FAM184B: variants seen among roughly 807,000 people sequenced by gnomAD.
FAM184B encodes the protein protein FAM184B.
FAM184B carries 111 observed loss-of-function variants against 135.9 expected under a neutral mutation model. The ratio of observed to expected loss-of-function variants is 0.82; its 90% CI spans 0.70 to 0.96. The LOEUF is 0.96. Among genes scored for constraint, FAM184B ranks in the 40% least tolerant of loss-of-function variants. The pLI is 0.00. For synonymous variants in FAM184B, 552 were observed against 524.8 expected (o/e 1.05, Z -0.71); for missense variants, 1,375 against 1,323.9 (o/e 1.04, Z -0.60).
At chr4:17,734,149 T>A (rs1176698012) in intron 1 of FAM184B, among the ~76,000 whole-genome samples, 1 of 152,172 alleles carries the variant, frequency 6.6e-6, no homozygotes, top group African/African-American at 2.4e-5. Context: ...TGAAACTGGA[T>A]CCCTTCCTTA....
At chr4:17,634,518 T>G (rs1347378543) in intron 16 of FAM184B, among the ~76,000 whole-genome samples, 3 of 152,076 alleles carry the variant, frequency 2.0e-5, no homozygotes, top group Admixed American at 2.0e-4. Flanking sequence ...GAGTTGGAGT[T>G]TCACCACGTT....
At chr4:17,637,288 A>G (rs1163476096) in intron 14 of FAM184B, among the ~76,000 whole-genome samples, 1 of 152,180 alleles carries the variant, frequency 6.6e-6, no homozygotes, top group Non-Finnish European at 1.5e-5. Flanking sequence ...GGGCCTCCCA[A>G]AGTGCTGGGA....
At chr4:17,633,629 C>T in intron 17 of FAM184B, 60 bp downstream of exon 17, 2 of 1,353,516 alleles carry the variant, frequency 1.5e-6, no homozygotes, top group East Asian at 2.8e-5. Context: ...AAGAATCCTA[C>T]TTCCCCTCTT....
At chr4:17,647,542 C>G in intron 12 of FAM184B, 95 bp downstream of exon 12, 1 of 1,419,776 alleles carries the variant, frequency 7.0e-7, no homozygotes, top group East Asian at 2.5e-5. Context: ...AGCCACTGCA[C>G]TCAGCCTCAG....
intron 1 of FAM184B, among the ~76,000 whole-genome samples, chr4:17,761,112 C>T (rs946964851): frequency 2.6e-5 from 4 of 152,178 alleles, no homozygotes; most frequent in Non-Finnish European, 5.9e-5. Flanking sequence ...CCCAAAACGT[C>T]AGTAGTGTCC....
At chr4:17,690,956 G>T (rs1440407930) in intron 6 of FAM184B, among the ~76,000 whole-genome samples, 2 of 152,174 alleles carry the variant, frequency 1.3e-5, no homozygotes, top group Admixed American at 1.3e-4. Context: ...GCTTTGGTAA[G>T]GTGGGGACAG....
At chr4:17,750,769 C>G (rs939253998) in intron 1 of FAM184B, among the ~76,000 whole-genome samples, 1 of 152,170 alleles carries the variant, frequency 6.6e-6, no homozygotes, top group Non-Finnish European at 1.5e-5. Context: ...CCTGATAGAG[C>G]CTACCAAGCA....
In FAM184B at chr4:17,642,116, C is replaced by T. The variant is rs1182744727; in HGVS notation, c.2459G>A (p.Arg820Gln). 5 of 1,532,816 alleles carry T rather than the reference C, an allele frequency of 3.3e-6. No individual in the cohort carries two copies. Among genetic ancestry groups the T allele is most frequent in the African/African-American group, 1.4e-5 (1 of 72,274 alleles). The allele number at this position is 1,532,816 out of a possible 1,614,324, so 95.0% of individuals were successfully genotyped here. A position where few individuals can be genotyped will look rare whatever the true frequency, so the allele number is the denominator to read the frequency against. Residue 820 changes from arginine (R) to glutamine (Q), a missense_variant, in exon 13 of 18, where the codon CGG becomes CAG. By Grantham distance (43) the Arg-to-Gln change is conservative (BLOSUM62 1). Transcript: ENST00000265018. The stretch of plus-strand genomic sequence containing the variant: ...ATGCTGCTCCACCTCCGCGCGCAGC[C>T]GCCGCACCGCGTCCTGGAGCTGCGC... Reference protein sequence around the residue: ...ENAQLQDAVRRLRAEVEQHQQ... With the variant: ...ENAQLQDAVRQLRAEVEQHQQ...
chr4:17,691,655 C>T (rs1337120068), intron 6 of FAM184B, among the ~76,000 whole-genome samples: 2 of 143,222 alleles, frequency 1.4e-5, no homozygotes, highest in Admixed American at 7.2e-5. Context: ...CAATGCACTC[C>T]AGCCTGGGCG....
intron 1 of FAM184B, among the ~76,000 whole-genome samples, chr4:17,712,285 T>A (rs11945549): frequency 0.71 from 108,243 of 152,032 alleles, 39,577 homozygotes; most frequent in Non-Finnish European, 0.8. Flanking sequence ...GTAGAGGAAA[T>A]GATCACTGGA....
chr4:17,739,555 G>GTTTTTTTTTTTTTTTTTTTTTTT (rs397992408), intron 1 of FAM184B, among the ~76,000 whole-genome samples: 4 of 62,508 alleles, frequency 6.4e-5, no homozygotes, highest in Admixed American at 3.2e-4. Context: ...CATACCAACT[G>GTTTTTTTTTTTTTTTTTTTTTTT]TTTTTTTTTT....
chr4:17,660,355 A>T (rs1265834629), intron 8 of FAM184B, among the ~76,000 whole-genome samples: 1 of 152,138 alleles, frequency 6.6e-6, no homozygotes, highest in Non-Finnish European at 1.5e-5. Flanking sequence ...TATCTGTTTT[A>T]GTGGGTTCTT....
intron 14 of FAM184B, among the ~76,000 whole-genome samples, chr4:17,638,521 C>G (rs920574091): frequency 2.6e-5 from 4 of 152,004 alleles, no homozygotes; most frequent in East Asian, 3.9e-4. Flanking sequence ...ATTTCTTATC[C>G]GAATTCTCAG....
intron 13 of FAM184B, among the ~76,000 whole-genome samples, chr4:17,639,818 A>G (rs891239091): frequency 6.6e-6 from 1 of 150,782 alleles, no homozygotes; most frequent in Admixed American, 6.6e-5. Flanking sequence ...CTGCAGTGGA[A>G]AGCCTCCCTG....
At chr4:17,672,624 T>C (rs779483878) in intron 7 of FAM184B, among the ~76,000 whole-genome samples, 4 of 152,218 alleles carry the variant, frequency 2.6e-5, no homozygotes, top group Non-Finnish European at 4.4e-5. Flanking sequence ...TTTCTGTATC[T>C]ATTGAGATGA....
chr4:17,643,606 G>A (rs907961301), intron 12 of FAM184B, among the ~76,000 whole-genome samples: 2 of 152,156 alleles, frequency 1.3e-5, no homozygotes, highest in African/African-American at 4.8e-5. Context: ...AACACTTAAT[G>A]GAACACGTTC....
At chr4:17,723,580 G>A (rs917377573) in intron 1 of FAM184B, among the ~76,000 whole-genome samples, 1 of 152,112 alleles carries the variant, frequency 6.6e-6, no homozygotes, top group Admixed American at 6.6e-5. Flanking sequence ...TCAAGTCCAC[G>A]GCCAGCCCAT....
At chr4:17,774,499 G>A (rs1241446149) in intron 1 of FAM184B, among the ~76,000 whole-genome samples, 2 of 152,202 alleles carry the variant, frequency 1.3e-5, no homozygotes, top group Non-Finnish European at 2.9e-5. Context: ...ATGCTTTCAA[G>A]AACAAAAGCT....
intron 1 of FAM184B, among the ~76,000 whole-genome samples, chr4:17,775,112 T>TC (rs914828407): frequency 8.8e-5 from 13 of 147,844 alleles, no homozygotes; most frequent in Non-Finnish European, 1.8e-4. Context: ...TTCTCCTGCC[T>TC]CAGCCTCCTG....
Sources: allele counts gnomAD v4.1 joint callset (sites outside exome capture counted in the v4.1 genomes callset), GRCh38; gene constraint gnomAD v4.1.1; transcripts MANE v1.5; gene names NCBI Gene and HGNC (gene_info 2026-07-23, HGNC 2026-07-21).